Variants in CACNA1S observed in about 807,000 individuals in gnomAD.
The protein encoded by CACNA1S is voltage-dependent L-type calcium channel subunit alpha-1S.
A neutral mutation model predicts 207.4 loss-of-function variants in CACNA1S; 126 were observed. That is an observed-to-expected ratio of 0.61 (90% confidence interval 0.53 to 0.70). CACNA1S has a LOEUF of 0.70. CACNA1S is among the 30% of genes least tolerant of loss of function. The pLI is 0.00. For synonymous variants in CACNA1S, 960 were observed against 932.7 expected (o/e 1.03, Z -0.53); for missense variants, 2,349 against 2,422.8 (o/e 0.97, Z 0.64).
chr1:201,100,280 T>C (rs1022726059), intron 2 of CACNA1S, among the ~76,000 whole-genome samples: 1 of 152,216 alleles, frequency 6.6e-6, no homozygotes, highest in Non-Finnish European at 1.5e-5. Context: ...GGGAATGAGG[T>C]GTCTGCTAAA....
In CACNA1S at chr1:201,053,338, C is replaced by T; in HGVS notation, c.3796-64G>A. Reference sequence around the variant, plus strand: ...CTCCACTGTGTGTCTGCAGCCCTGCCCTCTGTTAGCTCCCCAGGGCTCTGC... The same window carrying T: ...CTCCACTGTGTGTCTGCAGCCCTGCTCTCTGTTAGCTCCCCAGGGCTCTGC... On this transcript the variant is annotated intron_variant, in intron 30 of 43. Coordinates refer to ENST00000362061, the MANE Select transcript of CACNA1S (RefSeq NM_000069.3). This position sits in a 1 kb window ranked among gnomAD's most constrained non-coding sequence, Gnocchi z 5.1. The T allele has an allele frequency of 6.2e-7, 1 of 1,609,952 alleles. No individual in the cohort carries two copies. Among genetic ancestry groups the T allele is most frequent in the Non-Finnish European group, 8.5e-7 (1 of 1,176,456 alleles).
intron 39 of CACNA1S, 36 bp from the exon 40 acceptor site, chr1:201,043,567 G>A (rs1660368556): frequency 6.2e-7 from 1 of 1,606,088 alleles, no homozygotes; most frequent in African/African-American, 1.3e-5. Flanking sequence ...CTGGGGGTGA[G>A]GGCAGGGAGG....
At chr1:201,045,657 C>T (rs906243793) in intron 38 of CACNA1S, among the ~76,000 whole-genome samples, 1 of 148,442 alleles carries the variant, frequency 6.7e-6, no homozygotes, top group African/African-American at 2.5e-5. Context: ...ATGGCTTGAA[C>T]CCGGGAGGCA....
chr1:201,047,218 T>G lies in CACNA1S; in HGVS notation c.4565A>C (p.Lys1522Thr). ...CTGGATGAGGAATGTGGCGTAGAACTTCCCCACTGTCACCTCATCATCTGC... is the reference window on the plus strand; with the variant it reads ...CTGGATGAGGAATGTGGCGTAGAACGTCCCCACTGTCACCTCATCATCTGC... ...PIGDDEVTVG[K>T]FYATFLIQEH... is the part of the protein sequence containing the mutation. Residue 1522 changes from lysine to threonine, a missense_variant, in exon 38 of 44, where the codon AAG (lysine) becomes ACG (threonine). Transcript: ENST00000362061. 6.2e-7 allele frequency: 1 copy of G among 1,614,210 alleles called. No homozygotes were observed. Among genetic ancestry groups the G allele is most frequent in the Non-Finnish European group, 8.5e-7 (1 of 1,180,032 alleles).
In CACNA1S at chr1:201,053,369, C is replaced by G. The variant is rs1045870028; in HGVS notation, c.3795+90G>C. The G allele has an allele frequency of 5.0e-6, 8 of 1,611,726 alleles. No homozygotes were observed. The highest frequency in any genetic ancestry group is 5.9e-6 in the Non-Finnish European group (7 of 1,178,256). On this transcript the variant is annotated intron_variant, in intron 30 of 43. Coordinates refer to ENST00000362061, the MANE Select transcript of CACNA1S (RefSeq NM_000069.3). The surrounding 1 kb of genome is among the most constrained non-coding windows in gnomAD (Gnocchi z 5.1). ...TTAGCTCCCCAGGGCTCTGCCTTGC[C>G]CAGGGCTCCCCTGGGGCCCACCCTG... is the stretch of plus-strand genomic sequence containing the variant.
At chr1:201,058,566 G>T in intron 27 of CACNA1S, 75 bp from the exon 28 acceptor site, 1 of 1,202,206 alleles carries the variant, frequency 8.3e-7, no homozygotes, top group Non-Finnish European at 1.2e-6. Context: ...GCAGAGGACA[G>T]TGTCCCACCC....
rs114130047 is a variant in CACNA1S, at chr1:201,102,814, G to A, written c.258+7350C>T. Among the ~76,000 whole-genome samples, 1,330 of 152,304 alleles carry A rather than the reference G, an allele frequency of 8.7e-3. 9 individuals carry two copies. Among genetic ancestry groups the A allele is most frequent in the Admixed American group, 0.013 (194 of 15,300 alleles). On this transcript the variant is annotated intron_variant, in intron 2 of 43. Coordinates refer to ENST00000362061, the MANE Select transcript of CACNA1S (RefSeq NM_000069.3). ...CAGGCAGAGGGGAGAGAAAGATACA[G>A]TATGCCTGGGACACCTGGGTACATT...
chr1:201,050,469 G>A lies in CACNA1S; in HGVS notation c.4161C>T (p.Leu1387=). 1 of 1,614,118 alleles carries A rather than the reference G, an allele frequency of 6.2e-7. No homozygotes were observed. Among genetic ancestry groups the A allele is most frequent in the Non-Finnish European group, 8.5e-7 (1 of 1,179,996 alleles). ...VAVIMDNFDY[L]TRDWSILGPH... ...GGCCCAGGATGGACCAGTCCCGGGTGAGGTAGTCAAAATTGTCCATGATGA... is the reference window on the plus strand; with the variant it reads ...GGCCCAGGATGGACCAGTCCCGGGTAAGGTAGTCAAAATTGTCCATGATGA... The change falls in exon 34 of 44, where the codon CTC becomes CTT. Residue 1387 remains leucine (L), a synonymous_variant. Transcript: ENST00000362061.
rs970069566 is a variant in CACNA1S at position 201,069,368 on chromosome 1, T to C, written c.2490+104A>G. ...CCTGAGGAACTGAACTCTAAGAAAC[T>C]CTGATGCTTGTAGCCACATAGAGGA... On this transcript the variant is annotated intron_variant, in intron 18 of 43. Transcript: ENST00000362061. The C allele has an allele frequency of 2.0e-6, 3 of 1,538,120 alleles. No individual in the cohort carries two copies. The African/African-American group carries it at 4.1e-5, about 21-fold the overall frequency.
chr1:201,050,255 T>C lies in CACNA1S; in HGVS notation c.4241+134A>G, dbSNP rs1572025520. The stretch of plus-strand genomic sequence containing the variant: ...ACCTGGAGATACTCTGATTCTCTGA[T>C]CTGAGACCTCAGATAAATGAAGGGG... On this transcript the variant is annotated intron_variant, in intron 34 of 43. Transcript: ENST00000362061. 1 of 993,134 alleles carries C rather than the reference T, an allele frequency of 1.0e-6. No individual in the cohort carries two copies. The highest frequency in any genetic ancestry group is 2.4e-5 in the East Asian group (1 of 41,348). The allele number at this position is 993,134 out of a possible 1,614,324, so 61.5% of individuals were successfully genotyped here. A position where few individuals can be genotyped will look rare whatever the true frequency, so the allele number is the denominator to read the frequency against.
Position 201,072,836 on chromosome 1 carries a change from AAC to A in CACNA1S, c.2158-14_2158-13del. 6.2e-7 allele frequency: 1 copy of A among 1,609,036 alleles called. No individual in the cohort carries two copies. The highest frequency in any genetic ancestry group is 8.5e-7 in the Non-Finnish European group (1 of 1,175,380). On this transcript the variant is annotated splice_polypyrimidine_tract_variant and intron_variant, in intron 15 of 43. Transcript: ENST00000362061. ...TCATCGATTTTCAGCTGTAGGAAGG[AAC>A]ACAATGACTATAACAATGAAAAAGA... is the stretch of plus-strand genomic sequence containing the variant.
Position 201,061,312 on chromosome 1 carries a change from C to T in CACNA1S, c.3210G>A (p.Glu1070=), listed in dbSNP as rs200893062. 6.8e-6 allele frequency: 11 copies of T among 1,614,206 alleles called. No homozygotes were observed. The African/African-American group carries it at 1.3e-4, about 20-fold the overall frequency. Residue 1070 remains glutamate (E), a synonymous_variant, in exon 25 of 44, where the codon GAG becomes GAA. Coordinates refer to ENST00000362061, the MANE Select transcript of CACNA1S (RefSeq NM_000069.3). The part of the protein sequence containing the change: ...FVGFVIVTFQ[E]QGETEYKNCE... ...AGTTCTTGTACTCAGTCTCTCCCTG[C>T]TCCTGGAAGGTGACAATGACGAAGC...
In CACNA1S at chr1:201,039,533, A is replaced by G. The variant is rs1660032153; in HGVS notation, c.*298T>C. 2.0e-6 allele frequency: 1 copy of G among 505,510 alleles called. No homozygotes were observed. Among genetic ancestry groups the G allele is most frequent in the East Asian group, 3.6e-5 (1 of 28,104 alleles). 31.3% of individuals were successfully genotyped at this position (505,510 alleles called of 1,614,324 possible). Reference sequence around the variant, plus strand: ...CCAGTTGCCAGTGTCACAGGCCTGGAGATTTTAATGTCCTGCAGGTGGGAG... The same window carrying G: ...CCAGTTGCCAGTGTCACAGGCCTGGGGATTTTAATGTCCTGCAGGTGGGAG... On this transcript the variant is annotated 3_prime_UTR_variant, in exon 44 of 44. Coordinates refer to ENST00000362061, the MANE Select transcript of CACNA1S (RefSeq NM_000069.3).
Position 201,051,096 on chromosome 1 carries a change from T to C in CACNA1S, c.4001A>G (p.Tyr1334Cys), listed in dbSNP as rs146158332. 29 of 1,614,210 alleles carry C rather than the reference T, an allele frequency of 1.8e-5. No individual in the cohort carries two copies. The African/African-American group carries it at 3.2e-4, about 18-fold the overall frequency. ...AWQEILLACS[Y>C]GKLCDPESDY... ...CGACTCTGGGTCACACAGCTTCCCATAGCTGCAGGCCAGTAGGATCTCCTG... is the reference window on the plus strand; with the variant it reads ...CGACTCTGGGTCACACAGCTTCCCACAGCTGCAGGCCAGTAGGATCTCCTG... The change falls in exon 33 of 44, where the codon TAT (tyrosine) becomes TGT (cysteine). Residue 1334 changes from tyrosine to cysteine, a missense_variant. Transcript: ENST00000362061.
rs1490186766 is a variant in CACNA1S at position 201,040,649 on chromosome 1, T to G, written c.5199A>C (p.Arg1733Ser). ...KGLLTQRAMP[R>S]GQAPPAPCQC... ...GGCAGGGGGCAGGAGGTGCCTGGCC[T>G]CTGGGCATTGCCCTCTGGGTCAGCA... is the stretch of plus-strand genomic sequence containing the variant. Residue 1733 changes from arginine (R) to serine (S), a missense_variant, in exon 42 of 44, where the codon AGA becomes AGC. By Grantham distance (110) the Arg-to-Ser change is moderately radical. Transcript: ENST00000362061. 2 of 1,613,994 alleles carry G rather than the reference T, an allele frequency of 1.2e-6. No homozygotes were observed. The highest frequency in any genetic ancestry group is 4.5e-5 in the East Asian group (2 of 44,886).
intron 2 of CACNA1S, among the ~76,000 whole-genome samples, chr1:201,095,790 T>C (rs1309623481): frequency 6.6e-6 from 1 of 152,106 alleles, no homozygotes; most frequent in Non-Finnish European, 1.5e-5. Context: ...GGGCAGCTGC[T>C]CCAAGGAGGA....
intron 18 of CACNA1S, 87 bp downstream of exon 18, chr1:201,069,385 C>T (rs1157732464): frequency 3.4e-5 from 54 of 1,567,058 alleles, no homozygotes; most frequent in South Asian, 2.8e-4. Flanking sequence ...CTTGTAGCCA[C>T]ATAGAGGATA....
intron 2 of CACNA1S, among the ~76,000 whole-genome samples, chr1:201,095,561 G>A (rs1662393422): frequency 6.6e-6 from 1 of 152,198 alleles, no homozygotes; most frequent in South Asian, 2.1e-4. Context: ...TTTCCTGAAA[G>A]CATGATTTTC....
At chr1:201,062,663 C>A in intron 22 of CACNA1S, 149 bp from the exon 23 acceptor site, 1 of 725,128 alleles carries the variant, frequency 1.4e-6, no homozygotes, top group Non-Finnish European at 2.4e-6. Flanking sequence ...CTCTCAGAGG[C>A]GTGAACTCGC....
Sources: gnomAD v4.1 joint callset for allele counts (sites outside exome capture counted in the v4.1 genomes callset) on GRCh38, gnomAD v4.1.1 for gene constraint, Gnocchi (gnomAD v3.1) non-coding constraint, MANE v1.5 for transcripts, NCBI Gene and HGNC (gene_info 2026-07-23, HGNC 2026-07-21) for gene names.